CELF1: variants seen among roughly 807,000 people sequenced by gnomAD.
The protein encoded by CELF1 is 50 kDa nuclear polyadenylated RNA-binding protein.
CELF1 carries 10 observed loss-of-function variants against 61.8 expected under a neutral mutation model. The ratio of observed to expected loss-of-function variants is 0.16; its 90% confidence interval spans 0.10 to 0.27. The LOEUF is 0.27. Among genes scored for constraint, CELF1 ranks in the 10% least tolerant of loss-of-function variants. The probability of loss-of-function intolerance (pLI) is 1.00; values close to 1 mark genes in which losing one functional copy is unlikely to be tolerated. For missense variants in CELF1, 380 were observed against 639.1 expected (o/e 0.59, Z 4.37); for synonymous variants, 236 against 225.1 (o/e 1.05, Z -0.43).
intron 1 of CELF1, among the ~76,000 whole-genome samples, chr11:47,526,086 T>C (rs750975446): frequency 6.6e-6 from 1 of 151,960 alleles, no homozygotes; most frequent in Admixed American, 6.6e-5. Flanking sequence ...TCCCAGCACT[T>C]TGGGAGGCCA....
chr11:47,527,898 C>A (rs1385972468), intron 1 of CELF1, among the ~76,000 whole-genome samples: 3 of 152,020 alleles, frequency 2.0e-5, no homozygotes, highest in African/African-American at 7.3e-5. Flanking sequence ...GAGTTCAAGA[C>A]CAGCCTGGCC....
At position 47,488,917 on chromosome 11, in the gene CELF1, C is replaced by T. The variant is rs748751583; in HGVS notation, c.179G>A (p.Arg60Gln). 8.1e-6 allele frequency: 13 copies of T among 1,612,960 alleles called. 1 individual carries two copies. In the East Asian group the frequency reaches 1.1e-4, roughly 14 times the overall value. ...AGCACCATACTGTTCGAAGAGTTCC[C>T]GCAAGTCCTTTTCAGACCAGGTCCT... ...VPRTWSEKDL[R>Q]ELFEQYGAVY... is the part of the protein sequence containing the mutation. Residue 60 changes from arginine (R) to glutamine (Q), a missense_variant, in exon 4 of 15, where the codon CGG becomes CAG. Transcript: ENST00000687097.
chr11:47,553,842 G>T (rs1367224469), upstream of CELF1, among the ~76,000 whole-genome samples: 3 of 150,828 alleles, frequency 2.0e-5, no homozygotes, highest in African/African-American at 7.3e-5. Flanking sequence ...ACTCAGGTTA[G>T]GTCTCTAAAG....
chr11:47,532,350 G>A (rs2096504377), intron 1 of CELF1, among the ~76,000 whole-genome samples: 1 of 152,102 alleles, frequency 6.6e-6, no homozygotes, highest in Admixed American at 6.6e-5. Context: ...TATGATGAGA[G>A]AAAAACAATG....
intron 7 of CELF1, 150 bp from the exon 8 acceptor site, chr11:47,483,682 G>A (rs748848251): frequency 2.7e-5 from 16 of 592,316 alleles, no homozygotes; most frequent in Non-Finnish European, 3.9e-5. Flanking sequence ...GCAACAGGGT[G>A]ATATGTGCTA....
chr11:47,534,113 C>T (rs796170070), intron 1 of CELF1, among the ~76,000 whole-genome samples: 6 of 147,138 alleles, frequency 4.1e-5, no homozygotes, highest in African/African-American at 1.5e-4. Flanking sequence ...ACTGCAACCT[C>T]CGCCTCCTTA....
At position 47,473,160 on chromosome 11, in the gene CELF1, A is replaced by C; in HGVS notation, c.1345T>G (p.Phe449Val). Residue 449 changes from phenylalanine to valine, a missense_variant, in exon 14 of 15, where the codon TTT becomes GTT. Transcript: ENST00000687097. ...GACACGACATTCCCAAAGGGCATAA[A>C]CATCTGCAGCAGGTCCTGATCACCA... ...EFGDQDLLQM[F>V]MPFGNVVSAK... 6.2e-7 allele frequency: 1 copy of C among 1,614,178 alleles called. No individual in the cohort carries two copies. The highest frequency in any genetic ancestry group is 8.5e-7 in the Non-Finnish European group (1 of 1,180,036).
chr11:47,506,562 C>T (rs536338307), intron 1 of CELF1, among the ~76,000 whole-genome samples: 3 of 152,230 alleles, frequency 2.0e-5, no homozygotes, highest in Non-Finnish European at 4.4e-5. Flanking sequence ...GTATTCCTCC[C>T]GGCTCCCTCC....
chr11:47,488,249 G>C (rs2088925965), intron 4 of CELF1, among the ~76,000 whole-genome samples: 6 of 152,192 alleles, frequency 3.9e-5, no homozygotes, highest in Admixed American at 3.9e-4. Context: ...TCAGTCTTGT[G>C]AAACTTCCAC....
Position 47,466,624 on chromosome 11 carries a change from G to A in CELF1, c.*5606C>T, listed in dbSNP as rs1047797397. On this transcript the variant is annotated 3_prime_UTR_variant, in exon 15 of 15. Transcript: ENST00000687097. ...GCTGGAAATCAGAAAGGCAGCTGCC[G>A]CTCCAGGGTCTCAAATCCATTAAAA... 3 of 151,454 alleles carry A rather than the reference G, an allele frequency of 2.0e-5. No homozygotes were observed. Among genetic ancestry groups the A allele is most frequent in the Non-Finnish European group, 4.4e-5 (3 of 67,912 alleles). The allele number at this position is 151,454 out of a possible 1,614,324, so 9.4% of individuals were successfully genotyped here.
chr11:47,545,141 A>T (rs2096900269), intron 1 of CELF1, among the ~76,000 whole-genome samples: 1 of 152,056 alleles, frequency 6.6e-6, no homozygotes, highest in Admixed American at 6.6e-5. Context: ...AAAAATACAA[A>T]AATTAAGACC....
intron 1 of CELF1, among the ~76,000 whole-genome samples, chr11:47,517,473 A>AT (rs1417488935): frequency 6.6e-6 from 1 of 152,196 alleles, no homozygotes; most frequent in African/African-American, 2.4e-5. Context: ...CTATGTAGCT[A>AT]TTAAAGAAAA....
chr11:47,495,230 G>T (rs1391604085), intron 3 of CELF1, among the ~76,000 whole-genome samples: 1 of 152,186 alleles, frequency 6.6e-6, no homozygotes, highest in Non-Finnish European at 1.5e-5. Context: ...AAGACAATGG[G>T]TCATGCTACA....
At chr11:47,508,472 G>T (rs6485758) in intron 1 of CELF1, among the ~76,000 whole-genome samples, 1 of 150,794 alleles carries the variant, frequency 6.6e-6, no homozygotes, top group African/African-American at 2.4e-5. Context: ...AAGGGTAAGG[G>T]ACAGGTATCT....
chr11:47,476,449 G>C (rs1047419543), intron 12 of CELF1, among the ~76,000 whole-genome samples: 1 of 151,750 alleles, frequency 6.6e-6, no homozygotes, highest in African/African-American at 2.4e-5. Context: ...TTTTTGAGAC[G>C]GACTCTCGCT....
chr11:47,504,153 C>A (rs1245382230), intron 1 of CELF1, among the ~76,000 whole-genome samples: 1 of 150,656 alleles, frequency 6.6e-6, no homozygotes, highest in Non-Finnish European at 1.5e-5. Flanking sequence ...CTAGCCTGGG[C>A]AACAGAATAA....
intron 1 of CELF1, among the ~76,000 whole-genome samples, chr11:47,543,639 G>A (rs115809662): frequency 0.014 from 2,130 of 152,192 alleles, 48 homozygotes; most frequent in African/African-American, 0.048. Context: ...TCATGATGTT[G>A]CCCTCCTGTA....
At chr11:47,485,988 C>G (rs1222301657) in intron 6 of CELF1, among the ~76,000 whole-genome samples, 2 of 147,344 alleles carry the variant, frequency 1.4e-5, no homozygotes, top group Admixed American at 1.3e-4. Context: ...AGTGAAACCC[C>G]GTCTCTACTA....
chr11:47,489,944 T>TTTTTTTTTTTTTTTTTTC (rs1164447671), intron 3 of CELF1, among the ~76,000 whole-genome samples: 1 of 117,274 alleles, frequency 8.5e-6, no homozygotes, highest in East Asian at 2.4e-4. Flanking sequence ...TGTTTTTTTT[T>TTTTTTTTTTTTTTTTTTC]TTTTTTTTTT....
Sources: allele counts gnomAD v4.1 joint callset (sites outside exome capture counted in the v4.1 genomes callset), GRCh38; gene constraint gnomAD v4.1.1; transcripts MANE v1.5; gene names NCBI Gene and HGNC (gene_info 2026-07-23, HGNC 2026-07-21).